ARID1B: variants seen among roughly 807,000 people sequenced by gnomAD.
The protein encoded by ARID1B is AT-rich interactive domain-containing protein 1B.
Under a neutral mutation model 212.3 loss-of-function variants are expected in ARID1B, and 30 were observed. That is an observed-to-expected ratio of 0.14 (90% CI 0.11 to 0.19). The LOEUF is 0.19. Ranked by LOEUF, ARID1B falls within the 10% of genes least tolerant of loss-of-function variation. The probability of loss-of-function intolerance (pLI) is 1.00; values close to 1 mark genes in which losing one functional copy is unlikely to be tolerated. For synonymous variants in ARID1B, 1,402 were observed against 1,301.7 expected (o/e 1.08, Z -1.66); for missense variants, 2,891 against 3,204.0 (o/e 0.90, Z 2.36).
chr6:156,970,334 C>T (rs915294675), intron 4 of ARID1B, among the ~76,000 whole-genome samples: 18 of 152,110 alleles, frequency 1.2e-4, no homozygotes, highest in African/African-American at 4.8e-5. Flanking sequence ...CCACCTGCCT[C>T]GGCCTCCCAA....
chr6:157,047,660 T>A (rs1782328048), intron 4 of ARID1B, among the ~76,000 whole-genome samples: 1 of 152,246 alleles, frequency 6.6e-6, no homozygotes, highest in Non-Finnish European at 1.5e-5. Context: ...CCTCACGTGC[T>A]ATGTGTCTGA....
At position 157,206,724 on chromosome 6, in the gene ARID1B, C is replaced by T. The variant is rs2128393947; in HGVS notation, c.5952C>T (p.Gly1984=). 6.2e-7 allele frequency: 1 copy of T among 1,612,902 alleles called. No individual in the cohort carries two copies. Among genetic ancestry groups the T allele is most frequent in the Non-Finnish European group, 8.5e-7 (1 of 1,180,014 alleles). The change falls in exon 20 of 20, where the codon GGC becomes GGT. Residue 1984 remains glycine (G), a synonymous_variant. Transcript: ENST00000636930. This position sits in a 1 kb window ranked among gnomAD's most constrained non-coding sequence, Gnocchi z 6.8. The part of the protein sequence containing the change: ...SSAGRKKEQE[G]KGDSEEQQEK... ...CAGGTAGAAAGAAAGAGCAAGAAGG[C>T]AAAGGCGACTCTGAAGAGCAGCAAG...
intron 4 of ARID1B, among the ~76,000 whole-genome samples, chr6:157,032,685 T>C (rs1163670724): frequency 6.6e-6 from 1 of 152,238 alleles, no homozygotes; most frequent in East Asian, 1.9e-4. Flanking sequence ...GTAATGTTAT[T>C]ATTGACTTAT....
Position 156,968,045 on chromosome 6 carries a change from C to T in ARID1B, c.2247+32469C>T, listed in dbSNP as rs115366799. On this transcript the variant is annotated intron_variant, in intron 4 of 19. Transcript: ENST00000636930. ...CTCTTAGGTCACACGTGACCTTTCC[C>T]GGTCCCTGTCTGCAGTCTCTTTCCT... Among the ~76,000 whole-genome samples, 629 of 152,296 alleles carry T rather than the reference C, an allele frequency of 4.1e-3. 4 individuals are homozygous for T. Among genetic ancestry groups the T allele is most frequent in the African/African-American group, 0.014 (577 of 41,570 alleles).
intron 4 of ARID1B, among the ~76,000 whole-genome samples, chr6:156,964,568 A>G (rs528764467): frequency 3.3e-5 from 5 of 152,352 alleles, no homozygotes; most frequent in South Asian, 4.1e-4. Flanking sequence ...GCGTAATTTT[A>G]TGCGTATACT....
intron 7 of ARID1B, among the ~76,000 whole-genome samples, chr6:157,145,047 C>A (rs924536562): frequency 6.6e-6 from 1 of 152,150 alleles, no homozygotes; most frequent in Non-Finnish European, 1.5e-5. Context: ...CTCTCCTGTT[C>A]CTGTTTCCTG....
intron 4 of ARID1B, among the ~76,000 whole-genome samples, chr6:157,022,098 C>T (rs1780337835): frequency 1.3e-5 from 2 of 152,100 alleles, no homozygotes; most frequent in South Asian, 2.1e-4. Context: ...ACGAAGGACG[C>T]CAGCAGGGCC....
chr6:156,815,336 C>G (rs545077520), intron 1 of ARID1B, among the ~76,000 whole-genome samples: 1 of 152,082 alleles, frequency 6.6e-6, no homozygotes, highest in Admixed American at 6.5e-5. Flanking sequence ...ATCCTTCGTG[C>G]GCTGATGCTA....
At chr6:157,118,667 A>G (rs996070206) in intron 6 of ARID1B, among the ~76,000 whole-genome samples, 1 of 152,260 alleles carries the variant, frequency 6.6e-6, no homozygotes, top group African/African-American at 2.4e-5. Flanking sequence ...GACCAAGCCA[A>G]AGCTAGTCAG....
rs560135516 is a variant in ARID1B, at chr6:157,161,904, G to A, written c.3090-5136G>A. Among the ~76,000 whole-genome samples, 18 of 152,260 alleles carry A rather than the reference G, an allele frequency of 1.2e-4. No homozygotes were observed. The East Asian group carries it at 2.1e-3, about 18-fold the overall frequency. On this transcript the variant is annotated intron_variant, in intron 8 of 19. Coordinates refer to ENST00000636930, the MANE Select transcript of ARID1B (RefSeq NM_001374828.1). ...AGAAAGTTATGTACACCTGGCACTC[G>A]CACTCATTTTCCCAATAAAGTGTGC...
In ARID1B at chr6:157,004,895, TTC is replaced by T. The variant is rs1562542209; in HGVS notation, c.2247+69321_2247+69322del. Among the ~76,000 whole-genome samples the T allele has an allele frequency of 9.6e-4, 29 of 30,204 alleles. 5 individuals carry two copies. Among genetic ancestry groups the T allele is most frequent in the African/African-American group, 3.9e-3 (17 of 4,308 alleles). 19.8% of individuals were successfully genotyped at this position (30,204 alleles called of 152,430 possible). On this transcript the variant is annotated intron_variant, in intron 4 of 19. Coordinates refer to ENST00000636930, the MANE Select transcript of ARID1B (RefSeq NM_001374828.1). The stretch of plus-strand genomic sequence containing the variant: ...TCTTTTTTCTTTTTCTTCTTCTTTT[TTC>T]TTTTTTTTTTTTTTTTTTTTTTTTT...
At chr6:157,109,304 ATTC>A (rs1335806498) in intron 5 of ARID1B, among the ~76,000 whole-genome samples, 1 of 152,066 alleles carries the variant, frequency 6.6e-6, no homozygotes, top group African/African-American at 2.4e-5. Flanking sequence ...ATTATTTGTA[ATTC>A]TTTTGAGCAA....
chr6:157,167,142 G>A lies in ARID1B; in HGVS notation c.3192G>A (p.Ala1064=), dbSNP rs144558683. 20 of 1,610,512 alleles carry A rather than the reference G, an allele frequency of 1.2e-5. No homozygotes were observed. Among genetic ancestry groups the A allele is most frequent in the East Asian group, 1.1e-4 (5 of 44,872 alleles). ...NNSSSLMNTQ[A]PPYSMAPAMV... is the part of the protein sequence containing the mutation. The stretch of plus-strand genomic sequence containing the variant: ...GCTCTAGCCTGATGAACACGCAGGC[G>A]CCGCCCTACAGCATGGCGCCCGCCA... The change falls in exon 9 of 20, where the codon GCG becomes GCA. Residue 1064 remains alanine, a synonymous_variant. Transcript: ENST00000636930.
chr6:156,870,938 T>C (rs914162392), intron 2 of ARID1B, among the ~76,000 whole-genome samples: 2 of 152,256 alleles, frequency 1.3e-5, no homozygotes, highest in Admixed American at 6.5e-5. Context: ...TAACAAACCA[T>C]GTTCCTAAAG....
chr6:156,832,127 AT>A (rs960835629), intron 2 of ARID1B, among the ~76,000 whole-genome samples: 3 of 152,252 alleles, frequency 2.0e-5, no homozygotes, highest in Non-Finnish European at 2.9e-5. Context: ...ACAGTTCTTA[AT>A]TTTTGAAATG....
chr6:156,831,968 C>A (rs1562419781), intron 2 of ARID1B, among the ~76,000 whole-genome samples: 1 of 152,176 alleles, frequency 6.6e-6, no homozygotes, highest in African/African-American at 2.4e-5. Flanking sequence ...TCTGTATTGC[C>A]TTTTTACCTT....
At chr6:156,918,124 A>G (rs1790504422) in intron 3 of ARID1B, among the ~76,000 whole-genome samples, 1 of 152,220 alleles carries the variant, frequency 6.6e-6, no homozygotes, top group South Asian at 2.1e-4. Flanking sequence ...TTTAAAGCTA[A>G]AAACATAGTG....
intron 1 of ARID1B, among the ~76,000 whole-genome samples, chr6:156,790,640 G>C (rs1760644335): frequency 6.6e-6 from 1 of 152,122 alleles, no homozygotes. Flanking sequence ...TTATGACTTT[G>C]CTGGGTGTGG....
intron 6 of ARID1B, among the ~76,000 whole-genome samples, chr6:157,129,998 G>A (rs769201442): frequency 2.0e-5 from 3 of 151,994 alleles, no homozygotes; most frequent in Non-Finnish European, 2.9e-5. Context: ...GTGAAACCCC[G>A]TCTCTACTAA....
Sources: allele counts gnomAD v4.1 joint callset (sites outside exome capture counted in the v4.1 genomes callset), GRCh38; gene constraint gnomAD v4.1.1; non-coding constraint Gnocchi (gnomAD v3.1); transcripts MANE v1.5; gene names NCBI Gene and HGNC (gene_info 2026-07-23, HGNC 2026-07-21).